Variants in SLC25A21 observed in about 807,000 individuals in gnomAD.
SLC25A21 encodes the protein mitochondrial 2-oxodicarboxylate carrier.
In SLC25A21, 47 loss-of-function variants were observed where a neutral mutation model predicts 43.8. The observed-to-expected ratio is 1.07, with a 90% CI of 0.85 to 1.37. The LOEUF is 1.37. Among genes scored for constraint, SLC25A21 ranks in the 40% most tolerant of loss-of-function variants. The pLI is 0.00. For missense variants in SLC25A21, 352 were observed against 350.2 expected (o/e 1.00, Z -0.04); for synonymous variants, 131 against 121.3 (o/e 1.08, Z -0.52).
At chr14:36,721,223 T>C (rs779210398) in intron 6 of SLC25A21, among the ~76,000 whole-genome samples, 1 of 152,220 alleles carries the variant, frequency 6.6e-6, no homozygotes, top group Non-Finnish European at 1.5e-5. Context: ...ATGACTAACA[T>C]TTACTGAACC....
intron 7 of SLC25A21, among the ~76,000 whole-genome samples, chr14:36,696,606 G>A (rs1208984742): frequency 6.6e-6 from 1 of 152,184 alleles, no homozygotes; most frequent in African/African-American, 2.4e-5. Flanking sequence ...GGTCTATTCA[G>A]AGATTCAAAT....
At chr14:37,099,891 A>G (rs1443356992) in intron 1 of SLC25A21, among the ~76,000 whole-genome samples, 1 of 152,110 alleles carries the variant, frequency 6.6e-6, no homozygotes, top group Non-Finnish European at 1.5e-5. Flanking sequence ...TACTCTTTAT[A>G]TATTAAATTT....
chr14:36,714,928 T>C (rs1285035228), intron 6 of SLC25A21, among the ~76,000 whole-genome samples: 1 of 152,204 alleles, frequency 6.6e-6, no homozygotes, highest in Non-Finnish European at 1.5e-5. Flanking sequence ...ATCTGATTGC[T>C]TCTCTCAGCA....
chr14:36,817,950 T>A (rs544048941), intron 2 of SLC25A21, among the ~76,000 whole-genome samples: 152 of 152,328 alleles, frequency 1.0e-3, no homozygotes, highest in African/African-American at 3.5e-3. Flanking sequence ...AGATAATATT[T>A]CCAATCTATT....
intron 1 of SLC25A21, among the ~76,000 whole-genome samples, chr14:37,109,978 T>A (rs1962989008): frequency 6.6e-6 from 1 of 152,210 alleles, no homozygotes; most frequent in Non-Finnish European, 1.5e-5. Flanking sequence ...ACATAATGAA[T>A]GTAAACTATT....
chr14:37,144,970 A>G (rs1963637837), intron 1 of SLC25A21, among the ~76,000 whole-genome samples: 1 of 151,326 alleles, frequency 6.6e-6, no homozygotes, highest in Admixed American at 6.6e-5. Context: ...TTTGTTTTTA[A>G]TATTTGGAAG....
At chr14:37,013,571 T>G (rs1022552618) in intron 1 of SLC25A21, among the ~76,000 whole-genome samples, 2 of 152,172 alleles carry the variant, frequency 1.3e-5, no homozygotes, top group Non-Finnish European at 2.9e-5. Flanking sequence ...AAACACTGAT[T>G]TCTAAATTGC....
At chr14:37,018,587 C>T (rs1221777145) in intron 1 of SLC25A21, among the ~76,000 whole-genome samples, 1 of 152,012 alleles carries the variant, frequency 6.6e-6, no homozygotes, top group Non-Finnish European at 1.5e-5. Context: ...CTACTCTTCA[C>T]TGTCTCCATT....
At chr14:36,735,930 A>ATTTTTTTTTT (rs776933723) in intron 3 of SLC25A21, among the ~76,000 whole-genome samples, 14 of 84,300 alleles carry the variant, frequency 1.7e-4, no homozygotes, top group Non-Finnish European at 2.5e-4. Context: ...TCTGGCCACA[A>ATTTTTTTTTT]TTTTTTTTTT....
chr14:36,993,223 T>C (rs1960302233), intron 1 of SLC25A21, among the ~76,000 whole-genome samples: 1 of 152,184 alleles, frequency 6.6e-6, no homozygotes, highest in South Asian at 2.1e-4. Context: ...TCCCTGTCTA[T>C]GAAATGTGCT....
At chr14:37,143,205 G>A (rs1817900910) in intron 1 of SLC25A21, among the ~76,000 whole-genome samples, 2 of 152,182 alleles carry the variant, frequency 1.3e-5, no homozygotes, top group South Asian at 4.1e-4. Flanking sequence ...GACAAAAAGG[G>A]ACAAAATTTG....
chr14:36,741,350 TAGAA>T (rs1885254693), intron 3 of SLC25A21, among the ~76,000 whole-genome samples: 1 of 152,218 alleles, frequency 6.6e-6, no homozygotes, highest in South Asian at 2.1e-4. Flanking sequence ...AACTGACTTT[TAGAA>T]AGAGTCAACC....
chr14:36,995,011 C>T (rs928058348), intron 1 of SLC25A21, among the ~76,000 whole-genome samples: 3 of 152,072 alleles, frequency 2.0e-5, no homozygotes, highest in Non-Finnish European at 4.4e-5. Context: ...ATTCTCTTTC[C>T]GTTTTCCCTG....
intron 1 of SLC25A21, among the ~76,000 whole-genome samples, chr14:37,020,426 C>T (rs967158364): frequency 4.0e-5 from 6 of 149,658 alleles, no homozygotes; most frequent in Non-Finnish European, 5.9e-5. Context: ...AAAAAAAACA[C>T]AGTAAATATG....
intron 3 of SLC25A21, among the ~76,000 whole-genome samples, chr14:36,809,494 G>C (rs1470408019): frequency 6.6e-6 from 1 of 151,994 alleles, no homozygotes; most frequent in African/African-American, 2.4e-5. Context: ...TTATTAAAAA[G>C]TACAATGTAT....
intron 4 of SLC25A21, among the ~76,000 whole-genome samples, chr14:36,732,588 T>A (rs1884873439): frequency 6.6e-6 from 1 of 152,194 alleles, no homozygotes; most frequent in Non-Finnish European, 1.5e-5. Context: ...AACTTAAGAT[T>A]GTCTGTTTCT....
intron 1 of SLC25A21, among the ~76,000 whole-genome samples, chr14:36,930,754 T>C (rs1349615256): frequency 6.6e-6 from 1 of 152,154 alleles, no homozygotes; most frequent in Non-Finnish European, 1.5e-5. Flanking sequence ...TTCCTTGGTC[T>C]GGCACATGAG....
chr14:37,111,907 G>C (rs376192271), intron 1 of SLC25A21, among the ~76,000 whole-genome samples: 5 of 152,112 alleles, frequency 3.3e-5, no homozygotes, highest in African/African-American at 7.2e-5. Context: ...CAACAAGCTG[G>C]AGTTTAAAAC....
chr14:36,813,849 A>C, intron 3 of SLC25A21, 69 bp downstream of exon 3: 1 of 1,164,656 alleles, frequency 8.6e-7, no homozygotes, highest in Non-Finnish European at 1.3e-6. Context: ...TAGGAAAATA[A>C]ACCATTCGAA....
Sources: gnomAD v4.1 joint callset for allele counts (sites outside exome capture counted in the v4.1 genomes callset) on GRCh38, gnomAD v4.1.1 for gene constraint, MANE v1.5 for transcripts, NCBI Gene and HGNC (gene_info 2026-07-23, HGNC 2026-07-21) for gene names.